The following LRP1B variants were observed in gnomAD, a reference collection of about 807,000 sequenced individuals.
LRP1B encodes low-density lipoprotein receptor-related protein 1B.
Under a neutral mutation model 556.6 loss-of-function variants are expected in LRP1B, and 217 were observed. The ratio of observed to expected loss-of-function variants is 0.39; its 90% CI spans 0.35 to 0.44. The LOEUF is 0.44. Ranked by LOEUF, LRP1B falls within the 20% of genes least tolerant of loss-of-function variation. The pLI, the probability that LRP1B is intolerant of heterozygous loss-of-function variation, is 1.00. For synonymous variants in LRP1B, 2,047 were observed against 1,865.8 expected (o/e 1.10, Z -2.50); for missense variants, 5,053 against 5,620.8 (o/e 0.90, Z 3.23).
intron 3 of LRP1B, among the ~76,000 whole-genome samples, chr2:141,466,262 A>G (rs35398890): frequency 0.25 from 37,446 of 152,072 alleles, 5,489 homozygotes; most frequent in East Asian, 0.52. Context: ...TTTACTGGTA[A>G]TCAAAGCCAC....
At chr2:141,108,807 T>C (rs1700676670) in intron 7 of LRP1B, among the ~76,000 whole-genome samples, 1 of 152,222 alleles carries the variant, frequency 6.6e-6, no homozygotes, top group African/African-American at 2.4e-5. Flanking sequence ...TGACAAGATG[T>C]CCTTTATGTG....
chr2:140,693,762 T>C (rs1686327651), intron 41 of LRP1B, among the ~76,000 whole-genome samples: 1 of 152,070 alleles, frequency 6.6e-6, no homozygotes, highest in African/African-American at 2.4e-5. Context: ...GGCTGGAGTA[T>C]GGTGGTGCAA....
intron 2 of LRP1B, among the ~76,000 whole-genome samples, chr2:141,492,508 T>C (rs16846255): frequency 0.038 from 5,825 of 152,236 alleles, 399 homozygotes; most frequent in African/African-American, 0.13. Flanking sequence ...AAAGAAGTTG[T>C]TCATTGGTTA....
intron 20 of LRP1B, among the ~76,000 whole-genome samples, chr2:140,930,463 T>C (rs1695017216): frequency 6.6e-6 from 1 of 151,976 alleles, no homozygotes; most frequent in Admixed American, 6.6e-5. Flanking sequence ...AAAACTGTTT[T>C]CCTAATGTTA....
chr2:141,553,522 A>G (rs1436216682), intron 2 of LRP1B, among the ~76,000 whole-genome samples: 1 of 151,430 alleles, frequency 6.6e-6, no homozygotes, highest in Non-Finnish European at 1.5e-5. Flanking sequence ...TAAACAGGAC[A>G]GTATAGTTGA....
At chr2:140,478,594 T>C (rs960840916) in intron 59 of LRP1B, among the ~76,000 whole-genome samples, 16 of 152,138 alleles carry the variant, frequency 1.1e-4, no homozygotes, top group African/African-American at 3.9e-4. Flanking sequence ...GTTTCTAGAT[T>C]CGTACACTGA....
At chr2:142,122,246 G>A (rs1321542383) in intron 1 of LRP1B, among the ~76,000 whole-genome samples, 2 of 152,054 alleles carry the variant, frequency 1.3e-5, no homozygotes, top group Non-Finnish European at 2.9e-5. Flanking sequence ...GTCAAAATGT[G>A]CTAAGATGTT....
chr2:140,977,170 G>C (rs74892910), intron 18 of LRP1B, among the ~76,000 whole-genome samples: 17,062 of 152,160 alleles, frequency 0.11, 1,042 homozygotes, highest in East Asian at 0.19. Flanking sequence ...GACCCAGTGG[G>C]AGGTAATTGA....
At chr2:140,651,420 T>C (rs1684680011) in intron 41 of LRP1B, among the ~76,000 whole-genome samples, 1 of 145,328 alleles carries the variant, frequency 6.9e-6, no homozygotes, top group South Asian at 2.2e-4. Context: ...AGTTAGTGGG[T>C]GCAGCGCACC....
chr2:140,634,433 G>A (rs751473032), intron 41 of LRP1B, among the ~76,000 whole-genome samples: 3 of 151,964 alleles, frequency 2.0e-5, no homozygotes, highest in African/African-American at 4.8e-5. Context: ...GAAGAATTCC[G>A]AATAATTGAT....
chr2:142,023,862 T>G (rs1376662561), intron 1 of LRP1B, among the ~76,000 whole-genome samples: 1 of 152,214 alleles, frequency 6.6e-6, no homozygotes, highest in African/African-American at 2.4e-5. Context: ...GCATTTCATG[T>G]GGCTATCAGA....
At chr2:140,818,232 C>G (rs1322174131) in intron 31 of LRP1B, among the ~76,000 whole-genome samples, 1 of 152,034 alleles carries the variant, frequency 6.6e-6, no homozygotes, top group Non-Finnish European at 1.5e-5. Context: ...AGAGGATTAA[C>G]TTCCAGGCCT....
At chr2:140,598,474 T>C (rs1317810699) in intron 43 of LRP1B, among the ~76,000 whole-genome samples, 157 bp downstream of exon 43, 1 of 152,180 alleles carries the variant, frequency 6.6e-6, no homozygotes, top group Non-Finnish European at 1.5e-5. Context: ...TCCACAATTT[T>C]CTTATGTGTG....
At chr2:141,066,897 T>C (rs1280492538) in intron 7 of LRP1B, among the ~76,000 whole-genome samples, 4 of 151,932 alleles carry the variant, frequency 2.6e-5, no homozygotes, top group Admixed American at 2.6e-4. Context: ...GGGAGCCATA[T>C]ATTGCCAGAT....
At position 140,407,642 on chromosome 2, in the gene LRP1B, C is replaced by G. The variant is rs538809269; in HGVS notation, c.10415-21633G>C. On this transcript the variant is annotated intron_variant, in intron 66 of 90. Transcript: ENST00000389484. ...ACCACATTGAGATACCACCTCACTC[C>G]TATAAGAATGATCATAATTAAAAAG... 2.0e-5 allele frequency among the ~76,000 whole-genome samples: 3 copies of G among 152,152 alleles called. No individual in the cohort carries two copies. The South Asian group carries it at 6.2e-4, about 32-fold the overall frequency.
At chr2:140,628,410 G>T (rs1439842914) in intron 41 of LRP1B, among the ~76,000 whole-genome samples, 1 of 151,922 alleles carries the variant, frequency 6.6e-6, no homozygotes, top group Non-Finnish European at 1.5e-5. Context: ...GGTGGCGGGT[G>T]CCTGTAGTCC....
chr2:142,109,852 G>A (rs1299203701), intron 1 of LRP1B, among the ~76,000 whole-genome samples: 4 of 152,084 alleles, frequency 2.6e-5, no homozygotes, highest in Non-Finnish European at 5.9e-5. Context: ...TTTTCCCAAT[G>A]AGGAGGAAAA....
At chr2:140,456,280 C>T (rs1168139275) in intron 62 of LRP1B, among the ~76,000 whole-genome samples, 175 bp downstream of exon 62, 1 of 151,728 alleles carries the variant, frequency 6.6e-6, no homozygotes, top group Non-Finnish European at 1.5e-5. Context: ...TCCTTTTTGG[C>T]CTTTATTTAT....
chr2:140,589,070 A>C lies in LRP1B; in HGVS notation c.7194+9561T>G, dbSNP rs184390201. On this transcript the variant is annotated intron_variant, in intron 43 of 90. Coordinates refer to ENST00000389484, the MANE Select transcript of LRP1B (RefSeq NM_018557.3). ...AGTTCAAAATGAATTACGAATGTAAATGTGAAATGTGAAACTATAACATTT... is the reference window on the plus strand; with the variant it reads ...AGTTCAAAATGAATTACGAATGTAACTGTGAAATGTGAAACTATAACATTT... Among the ~76,000 whole-genome samples the C allele has an allele frequency of 1.1e-3, 165 of 152,336 alleles. 1 individual carries two copies. Among genetic ancestry groups the C allele is most frequent in the African/African-American group, 3.5e-3 (144 of 41,588 alleles).
Sources: allele counts gnomAD v4.1 joint callset (sites outside exome capture counted in the v4.1 genomes callset), GRCh38; gene constraint gnomAD v4.1.1; transcripts MANE v1.5; gene names NCBI Gene and HGNC (gene_info 2026-07-23, HGNC 2026-07-21).